C3orf20: variants seen among roughly 807,000 people sequenced by gnomAD.
C3orf20 encodes family with sequence similarity 149 member C.
C3orf20 carries 76 observed loss-of-function variants against 88.3 expected under a neutral mutation model. The ratio of observed to expected loss-of-function variants is 0.86; its 90% CI spans 0.72 to 1.04. The LOEUF (loss-of-function observed/expected upper bound fraction) is 1.04, where lower values mean the gene tolerates loss of function less well. C3orf20 is among the 50% of genes least tolerant of loss of function. The probability of loss-of-function intolerance (pLI) is 0.00; values close to 1 mark genes in which losing one functional copy is unlikely to be tolerated. For synonymous variants in C3orf20, 436 were observed against 437.4 expected (o/e 1.00, Z 0.04); for missense variants, 1,056 against 1,123.3 (o/e 0.94, Z 0.86).
intron 15 of C3orf20, among the ~76,000 whole-genome samples, chr3:14,764,349 T>G (rs912295253): frequency 6.6e-6 from 1 of 152,184 alleles, no homozygotes; most frequent in African/African-American, 2.4e-5. Context: ...AGTGGGTTGA[T>G]GGTTTAAGAG....
chr3:14,722,951 T>A (rs2034219065), intron 10 of C3orf20, among the ~76,000 whole-genome samples: 1 of 152,068 alleles, frequency 6.6e-6, no homozygotes, highest in South Asian at 2.1e-4. Flanking sequence ...TAACCAAAGC[T>A]CAGGTGGGTA....
Position 14,714,622 on chromosome 3 carries a change from G to T in C3orf20, c.1313+463G>T, listed in dbSNP as rs572431570. Among the ~76,000 whole-genome samples the T allele has an allele frequency of 1.2e-4, 18 of 152,174 alleles. No homozygotes were observed. In the East Asian group the frequency reaches 3.5e-3, roughly 29 times the overall value. On this transcript the variant is annotated intron_variant, in intron 8 of 16. Coordinates refer to ENST00000253697, the MANE Select transcript of C3orf20 (RefSeq NM_032137.5). ...TTGTTTTTGTTTTTGTTTTGAGACT[G>T]GGTCTTGCTCTCACTCTGTCACTCA...
chr3:14,732,402 G>C (rs922116521), intron 12 of C3orf20, among the ~76,000 whole-genome samples: 1 of 152,182 alleles, frequency 6.6e-6, no homozygotes, highest in Non-Finnish European at 1.5e-5. Flanking sequence ...TATGTGACTT[G>C]AAATATTTTC....
intron 12 of C3orf20, among the ~76,000 whole-genome samples, chr3:14,739,287 A>G (rs745751400): frequency 1.3e-5 from 2 of 152,216 alleles, no homozygotes; most frequent in Non-Finnish European, 2.9e-5. Flanking sequence ...GTAGGCATAA[A>G]AATAATAATC....
chr3:14,731,894 A>G (rs2034549756), intron 12 of C3orf20, among the ~76,000 whole-genome samples: 1 of 152,246 alleles, frequency 6.6e-6, no homozygotes, highest in Non-Finnish European at 1.5e-5. Context: ...TATCCATTCA[A>G]CCACTGAAAG....
chr3:14,711,962 A>C (rs2033757245), intron 7 of C3orf20, among the ~76,000 whole-genome samples: 1 of 151,726 alleles, frequency 6.6e-6, no homozygotes, highest in Non-Finnish European at 1.5e-5. Flanking sequence ...CCATATTTTT[A>C]AGTTATTTCC....
chr3:14,759,800 C>T, intron 13 of C3orf20, 91 bp from the exon 14 acceptor site: 1 of 1,072,228 alleles, frequency 9.3e-7, no homozygotes, highest in Non-Finnish European at 1.4e-6. Context: ...CTCCAGGACT[C>T]AGGGGGAACC....
At chr3:14,747,444 A>G (rs146794798) in intron 12 of C3orf20, among the ~76,000 whole-genome samples, 5 of 152,290 alleles carry the variant, frequency 3.3e-5, no homozygotes, top group Middle Eastern at 3.4e-3. Context: ...ATCTAGCCTC[A>G]GTTTATAGGT....
At chr3:14,689,207 A>G in intron 4 of C3orf20, among the ~76,000 whole-genome samples, 1 of 152,044 alleles carries the variant, frequency 6.6e-6, no homozygotes, top group East Asian at 1.9e-4. Context: ...TTTCATTTCT[A>G]CCAAGTTAGA....
rs1390746619 is a variant in C3orf20, at chr3:14,721,831, C to T, written c.1566+47C>T. 4.4e-6 allele frequency: 7 copies of T among 1,606,680 alleles called. No homozygotes were observed. In the South Asian group the frequency reaches 6.6e-5, roughly 15 times the overall value. ...ACCCAGCCCTGACCCCTGGGCATCT[C>T]AACGTGGGTTGCTGTTTCATATCTC... is the stretch of plus-strand genomic sequence containing the variant. On this transcript the variant is annotated intron_variant, in intron 10 of 16. Coordinates refer to ENST00000253697, the MANE Select transcript of C3orf20 (RefSeq NM_032137.5).
intron 9 of C3orf20, among the ~76,000 whole-genome samples, chr3:14,716,185 T>G (rs1238451558): frequency 6.6e-6 from 1 of 152,168 alleles, no homozygotes; most frequent in East Asian, 1.9e-4. Flanking sequence ...ATGTAGCCTC[T>G]GGGGGGCAAA....
At chr3:14,766,695 C>A (rs956155843) in intron 15 of C3orf20, among the ~76,000 whole-genome samples, 1 of 152,216 alleles carries the variant, frequency 6.6e-6, no homozygotes, top group Non-Finnish European at 1.5e-5. Context: ...CAGGACTGGA[C>A]TTGTGACAGT....
chr3:14,735,607 T>G (rs2034680020), intron 12 of C3orf20, among the ~76,000 whole-genome samples: 1 of 152,116 alleles, frequency 6.6e-6, no homozygotes, highest in African/African-American at 2.4e-5. Context: ...ATTTTTTTTT[T>G]TTTTGAGGCG....
At chr3:14,744,814 C>T (rs1383816651) in intron 12 of C3orf20, among the ~76,000 whole-genome samples, 3 of 152,078 alleles carry the variant, frequency 2.0e-5, no homozygotes, top group Non-Finnish European at 2.9e-5. Context: ...AAAGACCAGC[C>T]CACGTGATTC....
intron 6 of C3orf20, among the ~76,000 whole-genome samples, chr3:14,704,100 C>G (rs2033395347): frequency 6.6e-6 from 1 of 152,146 alleles, no homozygotes; most frequent in South Asian, 2.1e-4. Flanking sequence ...CTCCATAGGT[C>G]CTCACCCTCA....
chr3:14,743,479 A>G (rs1032821573), intron 12 of C3orf20, among the ~76,000 whole-genome samples: 18 of 151,926 alleles, frequency 1.2e-4, no homozygotes, highest in Non-Finnish European at 2.4e-4. Flanking sequence ...TTCCAGGTGC[A>G]TGGAGCAAGC....
chr3:14,704,447 C>T lies in C3orf20; in HGVS notation c.989C>T (p.Ser330Phe), dbSNP rs748903637. The change falls in exon 7 of 17, where the codon TCT (serine) becomes TTT (phenylalanine). Residue 330 changes from serine (S) to phenylalanine (F), a missense_variant. Ser to Phe is a radical substitution (Grantham distance 155). Transcript: ENST00000253697. ...SHLMLARKGD[S>F]QTPGLHYPPT... ...CTAATGTTGGCCCGCAAAGGAGACT[C>T]TCAGACCCCGGGTTTACATTACCCT... 40 of 1,614,168 alleles carry T rather than the reference C, an allele frequency of 2.5e-5. No homozygotes were observed. The Admixed American group carries it at 3.0e-4, about 12-fold the overall frequency.
chr3:14,692,023 T>A (rs1160838698), intron 5 of C3orf20, among the ~76,000 whole-genome samples: 1 of 152,256 alleles, frequency 6.6e-6, no homozygotes, highest in Non-Finnish European at 1.5e-5. Flanking sequence ...CTTATTTCAC[T>A]TAACATAATG....
chr3:14,704,584 C>G lies in C3orf20; in HGVS notation c.1126C>G (p.His376Asp). ...GKAPKKAFKF[H>D]YTFYDGSSFV... ...GGCACCCAAGAAGGCCTTCAAGTTT[C>G]ATTACACCTTCTATGATGGCTCCTC... is the stretch of plus-strand genomic sequence containing the variant. The change falls in exon 7 of 17, where the codon CAT (histidine) becomes GAT (aspartate). Residue 376 changes from histidine to aspartate, a missense_variant. By Grantham distance (81) the His-to-Asp change is moderately conservative. Coordinates refer to ENST00000253697, the MANE Select transcript of C3orf20 (RefSeq NM_032137.5). The G allele has an allele frequency of 6.2e-7, 1 of 1,614,098 alleles. No individual in the cohort carries two copies. The highest frequency in any genetic ancestry group is 8.5e-7 in the Non-Finnish European group (1 of 1,180,036).
Sources: allele counts gnomAD v4.1 joint callset (sites outside exome capture counted in the v4.1 genomes callset), GRCh38; gene constraint gnomAD v4.1.1; transcripts MANE v1.5; gene names NCBI Gene and HGNC (gene_info 2026-07-23, HGNC 2026-07-21).